Variants in FOCAD observed in about 807,000 individuals in gnomAD.
The protein encoded by FOCAD is focadhesin, also known as KIAA1797.
FOCAD carries 198 observed loss-of-function variants against 225.6 expected under a neutral mutation model. That is an observed-to-expected ratio of 0.88 (90% CI 0.78 to 0.99). The LOEUF (loss-of-function observed/expected upper bound fraction) is 0.99, where lower values mean the gene tolerates loss of function less well. Among genes scored for constraint, FOCAD ranks in the 50% least tolerant of loss-of-function variants. The probability of loss-of-function intolerance (pLI) is 0.00; values close to 1 mark genes in which losing one functional copy is unlikely to be tolerated. For missense variants in FOCAD, 2,713 were observed against 2,123.6 expected (o/e 1.28, Z -5.46); for synonymous variants, 897 against 755.0 (o/e 1.19, Z -3.08).
intron 12 of FOCAD, 67 bp from the exon 13 acceptor site, chr9:20,820,257 C>G (rs994073867): frequency 2.5e-6 from 3 of 1,180,950 alleles, no homozygotes; most frequent in Non-Finnish European, 3.7e-6. Context: ...TTTAAAAATG[C>G]TTTTGGTAAC....
chr9:20,714,937 G>T (rs1301693930), intron 1 of FOCAD, among the ~76,000 whole-genome samples: 4 of 152,098 alleles, frequency 2.6e-5, no homozygotes, highest in Non-Finnish European at 4.4e-5. Flanking sequence ...CCAAAGTGAG[G>T]CATAGATGAA....
chr9:20,670,476 C>G (rs1822029103), intron 2 of FOCAD, among the ~76,000 whole-genome samples: 1 of 152,148 alleles, frequency 6.6e-6, no homozygotes, highest in African/African-American at 2.4e-5. Context: ...GAAGGGGAAG[C>G]AAGGCACATC....
At chr9:20,750,402 T>C (rs1828438869) in intron 5 of FOCAD, among the ~76,000 whole-genome samples, 1 of 152,196 alleles carries the variant, frequency 6.6e-6, no homozygotes, top group Non-Finnish European at 1.5e-5. Context: ...AGTTCTTCTA[T>C]TTGCTAGATA....
intron 27 of FOCAD, 35 bp from the exon 28 acceptor site, chr9:20,932,979 A>C (rs1240063570): frequency 6.8e-7 from 1 of 1,474,752 alleles, no homozygotes; most frequent in East Asian, 2.3e-5. Flanking sequence ...GACTAATTTT[A>C]AATAATTCAT....
In FOCAD at chr9:20,799,181, T is replaced by A. The variant is rs927411413; in HGVS notation, c.1455+9573T>A. 3.9e-5 allele frequency among the ~76,000 whole-genome samples: 6 copies of A among 152,228 alleles called. No homozygotes were observed. In the South Asian group the frequency reaches 1.2e-3, roughly 32 times the overall value. ...TTTGAGTGAGTTTCTTAATCCCGAG[T>A]TCCAGTTTGATTGCACTGTGGTCTG... On this transcript the variant is annotated intron_variant, in intron 11 of 43. Transcript: ENST00000338382.
intron 11 of FOCAD, among the ~76,000 whole-genome samples, chr9:20,790,089 C>T (rs556403767): frequency 3.6e-3 from 547 of 152,226 alleles, no homozygotes; most frequent in Middle Eastern, 6.8e-3. Flanking sequence ...AATATTGACT[C>T]TTTGCTATAT....
intron 35 of FOCAD, among the ~76,000 whole-genome samples, chr9:20,975,474 A>C (rs1373677480): frequency 6.6e-6 from 1 of 152,200 alleles, no homozygotes; most frequent in African/African-American, 2.4e-5. Context: ...CTCCCAAGGT[A>C]CAGAATGCAG....
At chr9:20,944,884 CAA>C in intron 29 of FOCAD, 110 bp downstream of exon 29, 1 of 1,181,384 alleles carries the variant, frequency 8.5e-7, no homozygotes, top group East Asian at 2.6e-5. Flanking sequence ...AATTCTTCCT[CAA>C]AGAGAAAATC....
chr9:20,809,528 C>T (rs1163930142), intron 11 of FOCAD, among the ~76,000 whole-genome samples: 1 of 152,102 alleles, frequency 6.6e-6, no homozygotes, highest in Non-Finnish European at 1.5e-5. Flanking sequence ...GCTCTAGAAT[C>T]TCTCTCTTCT....
At chr9:20,919,855 A>C (rs1017486825) in intron 24 of FOCAD, among the ~76,000 whole-genome samples, 2 of 152,040 alleles carry the variant, frequency 1.3e-5, no homozygotes, top group Non-Finnish European at 2.9e-5. Flanking sequence ...AAACCATAAA[A>C]ACCCTAGAAG....
At chr9:20,706,855 G>A (rs1291844186) in intron 1 of FOCAD, among the ~76,000 whole-genome samples, 3 of 152,136 alleles carry the variant, frequency 2.0e-5, no homozygotes, top group East Asian at 1.9e-4. Context: ...AGGGATCCAC[G>A]TTCTTCCCAT....
At chr9:20,926,498 T>A (rs1308085834) in intron 26 of FOCAD, 81 bp downstream of exon 26, 4 of 920,544 alleles carry the variant, frequency 4.3e-6, no homozygotes, top group Non-Finnish European at 7.1e-6. Flanking sequence ...AAATCGATTA[T>A]ATAGGCCAGG....
At chr9:20,676,521 A>G (rs1279404067) in intron 2 of FOCAD, among the ~76,000 whole-genome samples, 1 of 152,216 alleles carries the variant, frequency 6.6e-6, no homozygotes, top group African/African-American at 2.4e-5. Flanking sequence ...ATTATGGTAA[A>G]GTCATTTTAA....
In FOCAD at chr9:20,815,123, G is replaced by GGT. The variant is rs796702774; in HGVS notation, c.1456-4673_1456-4672insGT. On this transcript the variant is annotated intron_variant, in intron 11 of 43. Coordinates refer to ENST00000338382, the MANE Select transcript of FOCAD (RefSeq NM_001375567.1). ...TCTGGAAATATCATTACTTCTCTTTGTTTTTTTTTTTTTGTTTTTTTTTTT... is the reference window on the plus strand; with the variant it reads ...TCTGGAAATATCATTACTTCTCTTTGGTTTTTTTTTTTTTTGTTTTTTTTTTT... 3.3e-3 allele frequency among the ~76,000 whole-genome samples: 279 copies of GGT among 85,356 alleles called. 36 individuals carry two copies. The highest frequency in any genetic ancestry group is 9.7e-3 in the African/African-American group (208 of 21,470). The allele number at this position is 85,356 out of a possible 152,430, so 56.0% of individuals were successfully genotyped here. A position where few individuals can be genotyped will look rare whatever the true frequency, so the allele number is the denominator to read the frequency against.
intron 24 of FOCAD, among the ~76,000 whole-genome samples, chr9:20,921,939 T>A (rs1472964703): frequency 1.3e-5 from 2 of 152,166 alleles, no homozygotes; most frequent in East Asian, 3.9e-4. Flanking sequence ...TTCTACAGAG[T>A]AATAAAACTG....
intron 4 of FOCAD, among the ~76,000 whole-genome samples, chr9:20,733,566 C>T (rs1042234899): frequency 1.3e-5 from 2 of 152,102 alleles, no homozygotes; most frequent in Admixed American, 6.5e-5. Context: ...TCCATGTGAT[C>T]TCATTGTTCA....
rs1822923967 is a variant in FOCAD at position 20,690,780 on chromosome 9, TC to T, written c.-33+6488del. Among the ~76,000 whole-genome samples, 4 of 152,208 alleles carry T rather than the reference TC, an allele frequency of 2.6e-5. No homozygotes were observed. In the South Asian group the frequency reaches 8.3e-4, roughly 32 times the overall value. ...CTCAGGCTGTTTTGAACTTCTGGCC[TC>T]AAGCAATCCTCCTGCCTGGGCCCAG... is the stretch of plus-strand genomic sequence containing the variant. On this transcript the variant is annotated intron_variant, in intron 1 of 43. Transcript: ENST00000338382.
chr9:20,995,370 A>AC (rs1465879460), intron 43 of FOCAD, among the ~76,000 whole-genome samples, 186 bp from the exon 44 acceptor site: 1 of 78,118 alleles, frequency 1.3e-5, no homozygotes, highest in Non-Finnish European at 2.6e-5. Flanking sequence ...TAAAAAAAAA[A>AC]AAAAAAACAA....
chr9:20,918,103 G>C (rs1319798437), intron 24 of FOCAD, among the ~76,000 whole-genome samples: 1 of 152,172 alleles, frequency 6.6e-6, no homozygotes, highest in African/African-American at 2.4e-5. Flanking sequence ...AGAGGGGGAG[G>C]GGATGCTGGG....
Sources: allele counts gnomAD v4.1 joint callset (sites outside exome capture counted in the v4.1 genomes callset), GRCh38; gene constraint gnomAD v4.1.1; transcripts MANE v1.5; gene names NCBI Gene and HGNC (gene_info 2026-07-23, HGNC 2026-07-21).